STARD3: variants seen among roughly 807,000 people sequenced by gnomAD.
STARD3 encodes the protein stAR-related lipid transfer protein 3.
A neutral mutation model predicts 62.0 loss-of-function variants in STARD3; 39 were observed. The observed-to-expected ratio is 0.63, with a 90% CI of 0.49 to 0.82. The LOEUF (loss-of-function observed/expected upper bound fraction) is 0.82. Ranked by LOEUF, STARD3 falls within the 40% of genes least tolerant of loss-of-function variation. The probability of loss-of-function intolerance (pLI) is 0.00; values close to 1 mark genes in which losing one functional copy is unlikely to be tolerated. For synonymous variants in STARD3, 229 were observed against 242.4 expected (o/e 0.94, Z 0.51); for missense variants, 543 against 584.5 (o/e 0.93, Z 0.73).
rs138937448 is a variant in STARD3, at chr17:39,638,426, T to G, written c.-52+1195T>G. Among the ~76,000 whole-genome samples, 188 of 152,316 alleles carry G rather than the reference T, an allele frequency of 1.2e-3. 1 individual carries two copies. Among genetic ancestry groups the G allele is most frequent in the African/African-American group, 4.3e-3 (180 of 41,566 alleles). ...ACCTAGCAGTCTCCTGTGTGCACCC[T>G]AAGGTCCAATAATACGGCACTGCAG... On this transcript the variant is annotated intron_variant, in intron 1 of 14. Coordinates refer to ENST00000336308, the MANE Select transcript of STARD3 (RefSeq NM_006804.4).
rs186203898 is a variant in STARD3, at chr17:39,651,321, G to A, written c.-51-2160G>A. ...AGCTGCGCTTGTTTTGGACGTGGTA[G>A]ACTGAGGGGCCCAGGAAGGTAGTCC... On this transcript the variant is annotated intron_variant, in intron 1 of 14. Transcript: ENST00000336308. Among the ~76,000 whole-genome samples, 109 of 152,360 alleles carry A rather than the reference G, an allele frequency of 7.2e-4. 1 individual carries two copies. The highest frequency in any genetic ancestry group is 2.5e-3 in the African/African-American group (104 of 41,588).
chr17:39,648,391 CA>C (rs1242516842), intron 1 of STARD3, among the ~76,000 whole-genome samples: 1 of 152,198 alleles, frequency 6.6e-6, no homozygotes, highest in East Asian at 1.9e-4. Context: ...CACTTGAGCC[CA>C]GGAGGTCAAA....
intron 3 of STARD3, among the ~76,000 whole-genome samples, chr17:39,657,401 C>A (rs2057141613): frequency 6.6e-6 from 1 of 152,092 alleles, no homozygotes; most frequent in African/African-American, 2.4e-5. Flanking sequence ...GTGGTTCGCA[C>A]CCATAATCCC....
intron 9 of STARD3, chr17:39,659,896 C>G (rs1026515427): frequency 1.9e-6 from 1 of 525,440 alleles, no homozygotes; most frequent in Non-Finnish European, 3.4e-6. Context: ...GCTTGGAAAA[C>G]AGAGAGCAAC....
At chr17:39,659,238 C>T (rs954965813) in intron 8 of STARD3, 132 bp downstream of exon 8, 3 of 1,219,666 alleles carry the variant, frequency 2.5e-6, no homozygotes, top group Non-Finnish European at 3.5e-6. Context: ...ATCCGAGTGT[C>T]TCCCCCACCA....
In STARD3 at chr17:39,660,380, G is replaced by T. The variant is rs759569847; in HGVS notation, c.859-51G>T. Reference sequence around the variant, plus strand: ...GCCCCCCACCAAGAGGGAAGGGTTGGTCTGCCCGAGCCCATCTGGCACCAC... The same window carrying T: ...GCCCCCCACCAAGAGGGAAGGGTTGTTCTGCCCGAGCCCATCTGGCACCAC... On this transcript the variant is annotated intron_variant, in intron 10 of 14. Coordinates refer to ENST00000336308, the MANE Select transcript of STARD3 (RefSeq NM_006804.4). This position sits in a 1 kb window ranked among gnomAD's most constrained non-coding sequence, Gnocchi z 4.8. The T allele has an allele frequency of 6.2e-7, 1 of 1,611,822 alleles. No individual in the cohort carries two copies. Among genetic ancestry groups the T allele is most frequent in the Admixed American group, 1.7e-5 (1 of 59,994 alleles).
chr17:39,663,098 C>G lies in STARD3; in HGVS notation c.*190C>G. The G allele has an allele frequency of 1.8e-6, 1 of 543,504 alleles. No homozygotes were observed. The highest frequency in any genetic ancestry group is 3.4e-5 in the East Asian group (1 of 29,130). 33.7% of individuals were successfully genotyped at this position (543,504 alleles called of 1,614,324 possible). A position where few individuals can be genotyped will look rare whatever the true frequency, so the allele number is the denominator to read the frequency against. On this transcript the variant is annotated 3_prime_UTR_variant, in exon 15 of 15. Transcript: ENST00000336308. ...GGTGGAGCACTGGACTCCGGGGCCC[C>G]ACTGGCTGGAGGAAGTGGGGTCTGG...
chr17:39,653,618 C>G lies in STARD3; in HGVS notation c.87C>G (p.Ser29Arg). ...VASLGSSLSH[S>R]QSLSSHLLPP... is the part of the protein sequence containing the mutation. ...CCCTGGGCTCCTCACTGTCCCACAG[C>G]CAGAGCCTCTCCTCGCACCTCCTTC... Residue 29 changes from serine (S) to arginine (R), a missense_variant, in exon 2 of 15, where the codon AGC becomes AGG. Coordinates refer to ENST00000336308, the MANE Select transcript of STARD3 (RefSeq NM_006804.4). 6.2e-7 allele frequency: 1 copy of G among 1,613,432 alleles called. No homozygotes were observed.
rs548612428 is a variant in STARD3 at position 39,660,979 on chromosome 17, A to G, written c.1035-2A>G. On this transcript the variant is annotated splice_acceptor_variant, in intron 12 of 14. Coordinates refer to ENST00000336308, the MANE Select transcript of STARD3 (RefSeq NM_006804.4). LOFTEE classifies it high-confidence loss of function. The surrounding 1 kb of genome is among the most constrained non-coding windows in gnomAD (Gnocchi z 4.8). ...CCCCTGAACTAACCCTCCCTCCCGC[A>G]GGGACTTCGTGAATGTCCGGCGCAT... 1 of 1,613,616 alleles carries G rather than the reference A, an allele frequency of 6.2e-7. No homozygotes were observed. The highest frequency in any genetic ancestry group is 2.2e-5 in the East Asian group (1 of 44,874).
intron 1 of STARD3, among the ~76,000 whole-genome samples, chr17:39,647,560 A>T (rs1450868393): frequency 6.6e-6 from 1 of 152,182 alleles, no homozygotes; most frequent in Non-Finnish European, 1.5e-5. Context: ...CCAGAGAATG[A>T]GCACTTTGGG....
chr17:39,659,454 C>T lies in STARD3; in HGVS notation c.703-7C>T, dbSNP rs1009628197. ...CTGACCCCTCCCTGCCTCCTGCTTC[C>T]GTCCAGGAGCGGGAGTACATCCGCC... is the stretch of plus-strand genomic sequence containing the variant. On this transcript the variant is annotated splice_region_variant and splice_polypyrimidine_tract_variant and intron_variant, in intron 8 of 14. Coordinates refer to ENST00000336308, the MANE Select transcript of STARD3 (RefSeq NM_006804.4). 1.2e-5 allele frequency: 19 copies of T among 1,613,608 alleles called. No individual in the cohort carries two copies. Among genetic ancestry groups the T allele is most frequent in the African/African-American group, 1.1e-4 (8 of 74,954 alleles).
Position 39,658,807 on chromosome 17 carries a change from A to G in STARD3, c.633A>G (p.Pro211=). ...ALSEGQFYSP[P]ESFAGSDNES... ...CCGAGGGACAGTTCTATTCACCCCC[A>G]GAATCCTTTGCAGGTGAGGGCTGGT... Residue 211 remains proline, a synonymous_variant, in exon 7 of 15, where the codon CCA becomes CCG. Transcript: ENST00000336308. The G allele has an allele frequency of 6.2e-7, 1 of 1,613,970 alleles. No homozygotes were observed. Among genetic ancestry groups the G allele is most frequent in the Non-Finnish European group, 8.5e-7 (1 of 1,179,984 alleles).
At chr17:39,661,669 A>T (rs779339697) in intron 13 of STARD3, among the ~76,000 whole-genome samples, 25 of 152,084 alleles carry the variant, frequency 1.6e-4, no homozygotes, top group Non-Finnish European at 2.6e-4. Context: ...CCTGGGTTCC[A>T]GCAGGAGCAC....
intron 1 of STARD3, among the ~76,000 whole-genome samples, chr17:39,648,840 T>C (rs964141858): frequency 1.3e-5 from 2 of 152,202 alleles, no homozygotes; most frequent in African/African-American, 4.8e-5. Flanking sequence ...CGTCTGGGCA[T>C]GTGAGTGTCA....
At chr17:39,649,129 A>G (rs1425632798) in intron 1 of STARD3, among the ~76,000 whole-genome samples, 1 of 152,204 alleles carries the variant, frequency 6.6e-6, no homozygotes, top group Admixed American at 6.5e-5. Flanking sequence ...GAAGACCCAG[A>G]TGGGGAAAAA....
At chr17:39,658,363 G>C in intron 5 of STARD3, 42 bp from the exon 6 acceptor site, 1 of 1,578,692 alleles carries the variant, frequency 6.3e-7, no homozygotes, top group Non-Finnish European at 8.7e-7. Flanking sequence ...CTCTGGGTTT[G>C]GGGTGACCCC....
chr17:39,646,003 C>T (rs966126282), intron 1 of STARD3, among the ~76,000 whole-genome samples: 1 of 149,424 alleles, frequency 6.7e-6, no homozygotes, highest in Admixed American at 6.7e-5. Flanking sequence ...TCAATCCTCC[C>T]ACCTCAGCCT....
intron 5 of STARD3, 40 bp from the exon 6 acceptor site, chr17:39,658,365 G>T (rs750336163): frequency 1.3e-6 from 2 of 1,586,778 alleles, no homozygotes; most frequent in Non-Finnish European, 8.6e-7. Flanking sequence ...CTGGGTTTGG[G>T]GTGACCCCTG....
intron 13 of STARD3, chr17:39,661,416 A>T (rs2057196847): frequency 3.0e-6 from 1 of 337,424 alleles, no homozygotes; most frequent in South Asian, 3.6e-5. Context: ...TGACCTGAGC[A>T]GGAGGCTCTA....
Sources: allele counts gnomAD v4.1 joint callset (sites outside exome capture counted in the v4.1 genomes callset), GRCh38; gene constraint gnomAD v4.1.1; non-coding constraint Gnocchi (gnomAD v3.1); transcripts MANE v1.5; gene names NCBI Gene and HGNC (gene_info 2026-07-23, HGNC 2026-07-21).